XYLT1: variants seen among roughly 807,000 people sequenced by gnomAD.
XYLT1 encodes beta-D-xylosyltransferase 1.
Under a neutral mutation model 91.3 loss-of-function variants are expected in XYLT1, and 36 were observed. That is an observed-to-expected ratio of 0.39 (90% CI 0.30 to 0.52). The LOEUF is 0.52. Ranked by LOEUF, XYLT1 falls within the 20% of genes least tolerant of loss-of-function variation. The probability of loss-of-function intolerance (pLI) is 0.68; values close to 1 mark genes in which losing one functional copy is unlikely to be tolerated. For synonymous variants in XYLT1, 588 were observed against 532.0 expected, an observed-to-expected ratio of 1.11 and a Z score of -1.45; for missense variants, 1,242 against 1,284.5, an observed-to-expected ratio of 0.97 and a Z score of 0.51.
At chr16:17,239,952 G>T (rs1460161422) in intron 3 of XYLT1, among the ~76,000 whole-genome samples, 1 of 152,116 alleles carries the variant, frequency 6.6e-6, no homozygotes, top group Non-Finnish European at 1.5e-5. Context: ...TCCATCCAGT[G>T]TATCTACTTA....
At chr16:17,161,979 G>A (rs574599654) in intron 5 of XYLT1, among the ~76,000 whole-genome samples, 7 of 151,946 alleles carry the variant, frequency 4.6e-5, no homozygotes, top group Non-Finnish European at 8.8e-5. Flanking sequence ...AATCTTTTTC[G>A]AAATGAATAA....
intron 1 of XYLT1, among the ~76,000 whole-genome samples, chr16:17,422,034 G>A (rs1235887493): frequency 6.6e-6 from 1 of 151,200 alleles, no homozygotes; most frequent in Admixed American, 6.6e-5. Context: ...CCAGGCTGGA[G>A]TGCAATGGCA....
intron 1 of XYLT1, among the ~76,000 whole-genome samples, chr16:17,365,224 C>A (rs2035437083): frequency 6.6e-6 from 1 of 152,174 alleles, no homozygotes; most frequent in Non-Finnish European, 1.5e-5. Flanking sequence ...ATTTCCTCCT[C>A]AGGGAAGTGG....
intron 2 of XYLT1, among the ~76,000 whole-genome samples, chr16:17,292,194 T>A (rs2034240388): frequency 1.3e-5 from 2 of 152,028 alleles, no homozygotes; most frequent in African/African-American, 4.8e-5. Flanking sequence ...TGATGGGAAA[T>A]TCAATTTGCC....
intron 3 of XYLT1, among the ~76,000 whole-genome samples, chr16:17,204,675 C>T (rs982860788): frequency 2.6e-5 from 4 of 152,086 alleles, no homozygotes; most frequent in African/African-American, 9.7e-5. Context: ...GCTATGAAAA[C>T]AGAGCTATTA....
At chr16:17,305,475 G>C (rs1233196997) in intron 2 of XYLT1, among the ~76,000 whole-genome samples, 1 of 149,448 alleles carries the variant, frequency 6.7e-6, no homozygotes, top group African/African-American at 2.5e-5. Flanking sequence ...GAGTGCAGTG[G>C]TGCGATCTCG....
chr16:17,460,500 C>A (rs1442702947), intron 1 of XYLT1, among the ~76,000 whole-genome samples: 2 of 152,176 alleles, frequency 1.3e-5, no homozygotes, highest in African/African-American at 4.8e-5. Flanking sequence ...AGTGAATAAG[C>A]CACATGGGAA....
In XYLT1 at chr16:17,103,699, G is replaced by A. The variant is rs1225372322; in HGVS notation, c.*4996C>T. Reference sequence around the variant, plus strand: ...TGACGTTAGGGAGGGGGATGACAAGGTGCAGAACCCGCTTTCTGGTGGTAT... The same window carrying A: ...TGACGTTAGGGAGGGGGATGACAAGATGCAGAACCCGCTTTCTGGTGGTAT... On this transcript the variant is annotated 3_prime_UTR_variant, in exon 12 of 12. Coordinates refer to ENST00000261381, the MANE Select transcript of XYLT1 (RefSeq NM_022166.4). The A allele has an allele frequency of 1.3e-5, 2 of 152,180 alleles. No individual in the cohort carries two copies. The highest frequency in any genetic ancestry group is 4.8e-5 in the African/African-American group (2 of 41,402). The allele number at this position is 152,180 out of a possible 1,614,324, so 9.4% of individuals were successfully genotyped here. A position where few individuals can be genotyped will look rare whatever the true frequency, so the allele number is the denominator to read the frequency against.
At chr16:17,230,584 G>A (rs771235411) in intron 3 of XYLT1, among the ~76,000 whole-genome samples, 4 of 152,124 alleles carry the variant, frequency 2.6e-5, no homozygotes, top group East Asian at 1.9e-4. Flanking sequence ...TCCATTCTCC[G>A]TTTTTCTTCC....
chr16:17,205,715 T>C lies in XYLT1; in HGVS notation c.914-5061A>G, dbSNP rs986475053. 9.9e-5 allele frequency among the ~76,000 whole-genome samples: 15 copies of C among 152,162 alleles called. No homozygotes were observed. The East Asian group carries it at 1.9e-3, about 20-fold the overall frequency. The stretch of plus-strand genomic sequence containing the variant: ...CTGACTCCCAGGGCTGTGTGTACTC[T>C]AGAGCCTGCTGCTTGTAAATAAACA... On this transcript the variant is annotated intron_variant, in intron 3 of 11. Transcript: ENST00000261381.
Position 17,470,801 on chromosome 16 carries a change from G to A in XYLT1, c.-5C>T. On this transcript the variant is annotated 5_prime_UTR_variant, in exon 1 of 12. Transcript: ENST00000261381. The stretch of plus-strand genomic sequence containing the variant: ...GGCGCACGGCGCCGCCACCATCTTC[G>A]GAGCGCGGCCGGCGAGCGAGGCGCG... 3.0e-6 allele frequency: 3 copies of A among 998,126 alleles called. No homozygotes were observed. Among genetic ancestry groups the A allele is most frequent in the Non-Finnish European group, 3.6e-6 (3 of 840,726 alleles). 61.8% of individuals were successfully genotyped at this position (998,126 alleles called of 1,614,324 possible).
At chr16:17,209,459 C>G (rs982153019) in intron 3 of XYLT1, among the ~76,000 whole-genome samples, 1 of 136,188 alleles carries the variant, frequency 7.3e-6, no homozygotes, top group South Asian at 2.2e-4. Flanking sequence ...TTGCTCTGAA[C>G]ATGGGTGTAC....
intron 2 of XYLT1, among the ~76,000 whole-genome samples, chr16:17,325,432 T>C (rs1366119772): frequency 1.3e-5 from 2 of 152,290 alleles, no homozygotes; most frequent in Admixed American, 6.5e-5. Context: ...TTTTAGAAGA[T>C]GCTTTTGCAA....
chr16:17,121,704 A>G (rs2030061079), intron 10 of XYLT1, among the ~76,000 whole-genome samples: 1 of 152,004 alleles, frequency 6.6e-6, no homozygotes, highest in South Asian at 2.1e-4. Context: ...TATACACTGC[A>G]CCCCATGTGT....
chr16:17,416,931 G>T (rs139729963), intron 1 of XYLT1, among the ~76,000 whole-genome samples: 1 of 152,316 alleles, frequency 6.6e-6, no homozygotes, highest in African/African-American at 2.4e-5. Flanking sequence ...AAGTGCTAAC[G>T]AGGTGGCTGG....
Position 17,141,326 on chromosome 16 carries a change from C to T in XYLT1, c.1414G>A (p.Asp472Asn), listed in dbSNP as rs767662767. ...QGLDRLFLEC[D>N]AHMWRLGDRR... ...TCTCCCAGGCGCCACATGTGAGCGT[C>T]GCACTCCAGGAAGAGCCGATCCAGG... The change falls in exon 7 of 12, where the codon GAC becomes AAC. Residue 472 changes from aspartate to asparagine, a missense_variant. Physicochemically the swap from Asp to Asn is conservative, Grantham distance 23 (BLOSUM62 1). Transcript: ENST00000261381. 30 of 1,614,046 alleles carry T rather than the reference C, an allele frequency of 1.9e-5. No individual in the cohort carries two copies. The South Asian group carries it at 2.3e-4, about 12-fold the overall frequency.
intron 3 of XYLT1, among the ~76,000 whole-genome samples, chr16:17,222,740 G>C (rs1032939441): frequency 2.0e-5 from 3 of 150,134 alleles, no homozygotes; most frequent in African/African-American, 7.4e-5. Context: ...CAGCGAGCCG[G>C]GATCGTGCCA....
intron 3 of XYLT1, among the ~76,000 whole-genome samples, chr16:17,230,074 T>C (rs2033135279): frequency 1.3e-5 from 2 of 152,202 alleles, no homozygotes; most frequent in South Asian, 4.1e-4. Flanking sequence ...TGGATGCTTC[T>C]CCAGATCCTC....
chr16:17,239,043 G>A (rs1186767225), intron 3 of XYLT1, among the ~76,000 whole-genome samples: 1 of 152,204 alleles, frequency 6.6e-6, no homozygotes, highest in Non-Finnish European at 1.5e-5. Context: ...CATCTCTACA[G>A]CCAACAGACT....
Sources: allele counts gnomAD v4.1 joint callset (sites outside exome capture counted in the v4.1 genomes callset), GRCh38; gene constraint gnomAD v4.1.1; transcripts MANE v1.5; gene names NCBI Gene and HGNC (gene_info 2026-07-23, HGNC 2026-07-21).